Variants in PRIM2 observed in about 807,000 individuals in gnomAD.
PRIM2 encodes the protein DNA primase subunit 2, also known as DNA primase large subunit.
A neutral mutation model predicts 67.3 loss-of-function variants in PRIM2; 39 were observed. That is an observed-to-expected ratio of 0.58 (90% CI 0.45 to 0.76). The LOEUF is 0.76. PRIM2 is among the 30% of genes least tolerant of loss of function. PRIM2 has a pLI of 0.00. For missense variants in PRIM2, 398 were observed against 598.7 expected (o/e 0.66, Z 3.50); for synonymous variants, 143 against 198.7 (o/e 0.72, Z 2.36).
chr6:57,573,659 T>C (rs1186811050), intron 10 of PRIM2, among the ~76,000 whole-genome samples: 1 of 152,170 alleles, frequency 6.6e-6, no homozygotes, highest in Non-Finnish European at 1.5e-5. Context: ...GAAAAGTTGT[T>C]TCATGTGATA....
chr6:57,309,800 T>C, the PRIM2 span, among the ~76,000 whole-genome samples: 1 of 152,346 alleles, frequency 6.6e-6, no homozygotes. Context: ...AAAGTGTTCC[T>C]ATTTCTCCAC....
the PRIM2 span, among the ~76,000 whole-genome samples, chr6:57,275,601 A>C: frequency 2.0e-5 from 3 of 152,250 alleles, no homozygotes; most frequent in Admixed American, 6.5e-5. Flanking sequence ...CTGCTAGAGA[A>C]ACATAACAGG....
At chr6:57,438,109 C>T (rs5012207) in intron 7 of PRIM2, among the ~76,000 whole-genome samples, 1 of 126,660 alleles carries the variant, frequency 7.9e-6, no homozygotes, top group Non-Finnish European at 1.8e-5. Flanking sequence ...TTTTCTGTGT[C>T]GTCTTTTGTT....
chr6:57,462,851 A>T (rs1303578141), intron 7 of PRIM2, among the ~76,000 whole-genome samples: 1 of 152,206 alleles, frequency 6.6e-6, no homozygotes, highest in Non-Finnish European at 1.5e-5. Context: ...TAACAAATAC[A>T]AAAAAAGGAA....
intron 7 of PRIM2, among the ~76,000 whole-genome samples, chr6:57,479,749 G>A (rs1416165344): frequency 1.1e-4 from 16 of 152,174 alleles, no homozygotes; most frequent in African/African-American, 3.4e-4. Flanking sequence ...TTAAGAGTGT[G>A]TATGTGTTGT....
chr6:57,551,880 C>T (rs1478653688), intron 10 of PRIM2, among the ~76,000 whole-genome samples: 189 of 152,208 alleles, frequency 1.2e-3, no homozygotes, highest in African/African-American at 4.2e-3. Context: ...TTTGCCACAA[C>T]GTAAGTTTTA....
At chr6:57,493,105 A>C (rs1773933117) in intron 7 of PRIM2, among the ~76,000 whole-genome samples, 1 of 152,190 alleles carries the variant, frequency 6.6e-6, no homozygotes, top group Non-Finnish European at 1.5e-5. Context: ...CAGGCAGTTC[A>C]GACTTAACAT....
chr6:57,422,208 G>A (rs1337579286), intron 7 of PRIM2, among the ~76,000 whole-genome samples: 1 of 126,370 alleles, frequency 7.9e-6, no homozygotes, highest in Non-Finnish European at 1.6e-5. Context: ...AGGCTGGAAT[G>A]CAATGGTGTG....
chr6:57,474,076 G>A (rs1329937692), intron 7 of PRIM2, among the ~76,000 whole-genome samples: 2 of 151,046 alleles, frequency 1.3e-5, no homozygotes, highest in African/African-American at 2.4e-5. Context: ...TTAAGGAAAG[G>A]AAGCATGATT....
chr6:57,230,794 A>G, the PRIM2 span, among the ~76,000 whole-genome samples: 2 of 152,168 alleles, frequency 1.3e-5, no homozygotes, highest in Non-Finnish European at 2.9e-5. Flanking sequence ...AGTCTATTTG[A>G]ATAAATCTAC....
At chr6:57,596,362 C>T (rs1455088514) in intron 10 of PRIM2, among the ~76,000 whole-genome samples, 1 of 152,058 alleles carries the variant, frequency 6.6e-6, no homozygotes, top group Non-Finnish European at 1.5e-5. Context: ...AGAAGCCAGA[C>T]ACAAAATACT....
chr6:57,610,991 A>G lies in PRIM2; in HGVS notation c.1230+4534A>G, dbSNP rs1265551092. ...TTTGAAATCCTATAAAGTAGGATTT[A>G]AAGCAGAGCAATAAAGCAAGAAAAA... On this transcript the variant is annotated intron_variant, in intron 12 of 13. Coordinates refer to ENST00000615550, the MANE Select transcript of PRIM2 (RefSeq NM_000947.5). Among the ~76,000 whole-genome samples, 116 of 152,318 alleles carry G rather than the reference A, an allele frequency of 7.6e-4. 2 individuals are homozygous for G. The East Asian group carries it at 0.019, about 25-fold the overall frequency.
chr6:57,542,034 G>T (rs1445474954), intron 10 of PRIM2, among the ~76,000 whole-genome samples: 2 of 147,552 alleles, frequency 1.4e-5, no homozygotes, highest in Non-Finnish European at 3.0e-5. Flanking sequence ...GGAGTGCAGT[G>T]GCGCAGTCTT....
At chr6:57,547,614 T>C (rs1212342630) in intron 10 of PRIM2, among the ~76,000 whole-genome samples, 1 of 152,240 alleles carries the variant, frequency 6.6e-6, no homozygotes, top group African/African-American at 2.4e-5. Flanking sequence ...ATTCAAAGCA[T>C]GTGTCCTGTC....
chr6:57,386,750 C>A, intron 7 of PRIM2, among the ~76,000 whole-genome samples: 1 of 150,954 alleles, frequency 6.6e-6, no homozygotes, highest in Non-Finnish European at 1.5e-5. Flanking sequence ...TTATTACTGT[C>A]CTTTCCATTG....
chr6:57,228,062 A>G, the PRIM2 span, among the ~76,000 whole-genome samples: 2 of 152,200 alleles, frequency 1.3e-5, no homozygotes, highest in African/African-American at 4.8e-5. Flanking sequence ...ACAAATATAT[A>G]AAACACTTTA....
the PRIM2 span, among the ~76,000 whole-genome samples, chr6:57,281,011 G>T: frequency 2.0e-5 from 3 of 151,836 alleles, no homozygotes; most frequent in Non-Finnish European, 4.4e-5. Flanking sequence ...CACTTTTTTA[G>T]CTCCTGCATA....
At chr6:57,235,355 T>C in the PRIM2 span, among the ~76,000 whole-genome samples, 1 of 151,766 alleles carries the variant, frequency 6.6e-6, no homozygotes, top group East Asian at 1.9e-4. Context: ...TTCCAGCTAC[T>C]CAGGAGGCTG....
At chr6:57,574,483 G>T (rs1489158895) in intron 10 of PRIM2, among the ~76,000 whole-genome samples, 3 of 152,114 alleles carry the variant, frequency 2.0e-5, no homozygotes, top group Admixed American at 6.6e-5. Flanking sequence ...CCTTCTACCC[G>T]GTAACAGTAC....
Sources: gnomAD v4.1 joint callset for allele counts (sites outside exome capture counted in the v4.1 genomes callset) on GRCh38, gnomAD v4.1.1 for gene constraint, MANE v1.5 for transcripts, NCBI Gene and HGNC (gene_info 2026-07-23, HGNC 2026-07-21) for gene names.